Variants in TCF20 observed in about 807,000 individuals in gnomAD.
TCF20 encodes the protein transcription factor 20, also known as SPRE-binding protein.
Under a neutral mutation model 148.6 loss-of-function variants are expected in TCF20, and 3 were observed. The observed-to-expected ratio is 0.02, with a 90% CI of 0.01 to 0.05. The LOEUF (loss-of-function observed/expected upper bound fraction) is 0.05, where lower values mean the gene tolerates loss of function less well. Among genes scored for constraint, TCF20 ranks in the 10% least tolerant of loss-of-function variants. TCF20 has a pLI of 1.00. For missense variants in TCF20, 2,350 were observed against 2,429.3 expected (o/e 0.97, Z 0.69); for synonymous variants, 1,049 against 909.5 (o/e 1.15, Z -2.76).
chr22:42,219,304 G>A (rs1379355425), intron 1 of TCF20, among the ~76,000 whole-genome samples: 11 of 131,560 alleles, frequency 8.4e-5, no homozygotes, highest in African/African-American at 3.0e-4. Context: ...AGGCTGCAAC[G>A]AGCTATGAAT....
At chr22:42,243,201 G>A (rs1452732349) in intron 1 of TCF20, among the ~76,000 whole-genome samples, 1 of 144,016 alleles carries the variant, frequency 6.9e-6, no homozygotes, top group Non-Finnish European at 1.5e-5. Context: ...GCTGTGGCTA[G>A]CACCTGTAAT....
At chr22:42,222,348 A>C (rs887880639) in intron 1 of TCF20, among the ~76,000 whole-genome samples, 1 of 152,100 alleles carries the variant, frequency 6.6e-6, no homozygotes, top group African/African-American at 2.4e-5. Context: ...TCATCATGAC[A>C]CTACTCTCCT....
chr22:42,318,682 C>T (rs1927678963), intron 1 of TCF20, among the ~76,000 whole-genome samples: 1 of 152,186 alleles, frequency 6.6e-6, no homozygotes, highest in South Asian at 2.1e-4. Flanking sequence ...CCCCCAGCCA[C>T]CAGGCTGCAG....
In TCF20 at chr22:42,210,778, T is replaced by C; in HGVS notation, c.4528A>G (p.Lys1510Glu). ...GTATCGTTCTCCTTCTCTTCAGCCT[T>C]GGGGTTTGCCTCAGGGGCCAATATG... Reference protein sequence around the residue: ...VGILAPEANPKAEEKENDTVT... With the variant: ...VGILAPEANPEAEEKENDTVT... The change falls in exon 2 of 6, where the codon AAG becomes GAG. Residue 1510 changes from lysine (K) to glutamate (E), a missense_variant. Physicochemically the swap from Lys to Glu is moderately conservative, Grantham distance 56. Transcript: ENST00000677622. The surrounding 1 kb of genome is among the most constrained non-coding windows in gnomAD (Gnocchi z 4.7). 6.2e-7 allele frequency: 1 copy of C among 1,614,202 alleles called. No individual in the cohort carries two copies. Among genetic ancestry groups the C allele is most frequent in the Non-Finnish European group, 8.5e-7 (1 of 1,180,044 alleles).
chr22:42,251,918 T>C (rs1925402152), intron 1 of TCF20, among the ~76,000 whole-genome samples: 1 of 152,032 alleles, frequency 6.6e-6, no homozygotes, highest in Non-Finnish European at 1.5e-5. Context: ...AACTGTGTCT[T>C]TTAGGCCAGG....
chr22:42,218,844 C>T (rs1922059039), intron 1 of TCF20, among the ~76,000 whole-genome samples: 1 of 151,858 alleles, frequency 6.6e-6, no homozygotes, highest in Admixed American at 6.6e-5. Flanking sequence ...CTGCAGATTC[C>T]CTGTCCTGTA....
At chr22:42,316,475 A>G (rs1927633592) in intron 1 of TCF20, among the ~76,000 whole-genome samples, 1 of 152,182 alleles carries the variant, frequency 6.6e-6, no homozygotes, top group African/African-American at 2.4e-5. Flanking sequence ...TTAATCTGTC[A>G]GAGCCTGGAG....
In TCF20 at chr22:42,212,833, T is replaced by C. The variant is rs769706529; in HGVS notation, c.2473A>G (p.Ser825Gly). Residue 825 changes from serine (S) to glycine (G), a missense_variant, in exon 2 of 6, where the codon AGC becomes GGC. By Grantham distance (56) the Ser-to-Gly change is moderately conservative (BLOSUM62 0). Around this residue, in one of 7 missense-constraint regions of TCF20, gnomAD observed 1,641 missense variants for 1,662.6 expected, o/e 0.99. Transcript: ENST00000677622. ...TGTTTCATTTCAGGAGCTGTGCTGC[T>C]TGATTTCCTTTCCCAGGGGCCCCAG... ...PHWGPWERKSSSTAPEMKQIN... is the reference protein window; with the variant it reads ...PHWGPWERKSGSTAPEMKQIN... 1 of 1,614,258 alleles carries C rather than the reference T, an allele frequency of 6.2e-7. No individual in the cohort carries two copies. Among genetic ancestry groups the C allele is most frequent in the East Asian group, 2.2e-5 (1 of 44,886 alleles).
chr22:42,310,491 A>G (rs984248394), intron 1 of TCF20, among the ~76,000 whole-genome samples: 1 of 151,952 alleles, frequency 6.6e-6, no homozygotes, highest in Non-Finnish European at 1.5e-5. Flanking sequence ...ACAGGAATCC[A>G]GCCAGGGGGG....
At chr22:42,310,879 C>T (rs1433491351) in intron 1 of TCF20, among the ~76,000 whole-genome samples, 2 of 152,276 alleles carry the variant, frequency 1.3e-5, no homozygotes, top group Non-Finnish European at 2.9e-5. Context: ...GCCCTCTTTT[C>T]TCCCCAGCAG....
At chr22:42,178,729 C>T (rs1186573082) in intron 3 of TCF20, among the ~76,000 whole-genome samples, 3 of 151,036 alleles carry the variant, frequency 2.0e-5, no homozygotes, top group South Asian at 2.1e-4. Context: ...ACTATAGGTG[C>T]GCGTCACATC....
chr22:42,217,679 A>C (rs550854184), intron 1 of TCF20, among the ~76,000 whole-genome samples: 19 of 152,320 alleles, frequency 1.2e-4, no homozygotes, highest in Admixed American at 1.0e-3. Flanking sequence ...AGAATTATAG[A>C]AAGTGAAAAT....
At chr22:42,179,492 A>C (rs1462178182) in intron 3 of TCF20, 117 bp downstream of exon 3, 15 of 52,236 alleles carry the variant, frequency 2.9e-4, no homozygotes, top group Admixed American at 1.9e-3. Flanking sequence ...TGAAGTGACA[A>C]AAAAAAAAAA....
chr22:42,216,107 T>TTTTTTTTG (rs60253254), intron 1 of TCF20, among the ~76,000 whole-genome samples: 1 of 139,218 alleles, frequency 7.2e-6, no homozygotes, highest in Admixed American at 7.1e-5. Flanking sequence ...TTTTTTTTTT[T>TTTTTTTTG]GAGACAAGGT....
chr22:42,306,119 C>T (rs922853192), intron 1 of TCF20, among the ~76,000 whole-genome samples: 4 of 152,242 alleles, frequency 2.6e-5, no homozygotes, highest in African/African-American at 4.8e-5. Context: ...GTGGCTGCTG[C>T]GGCCTCGCCA....
intron 1 of TCF20, among the ~76,000 whole-genome samples, chr22:42,313,918 A>G (rs2147043877): frequency 6.6e-6 from 1 of 152,324 alleles, no homozygotes; most frequent in African/African-American, 2.4e-5. Flanking sequence ...TCCCCGCCTC[A>G]GGGAACACCT....
At chr22:42,221,611 G>A (rs1241320936) in intron 1 of TCF20, among the ~76,000 whole-genome samples, 1 of 152,096 alleles carries the variant, frequency 6.6e-6, no homozygotes, top group African/African-American at 2.4e-5. Context: ...TAGCCAAGTT[G>A]CAAGAAAGTA....
chr22:42,191,353 G>C (rs2147130072), intron 2 of TCF20, among the ~76,000 whole-genome samples: 1 of 152,240 alleles, frequency 6.6e-6, no homozygotes, highest in African/African-American at 2.4e-5. Flanking sequence ...ACAGTGACGA[G>C]ATCTTGGCTC....
At chr22:42,201,751 G>T (rs745984156) in intron 2 of TCF20, among the ~76,000 whole-genome samples, 2 of 151,874 alleles carry the variant, frequency 1.3e-5, no homozygotes, top group African/African-American at 2.4e-5. Flanking sequence ...CTGGGGGATA[G>T]AGGAAGACTC....
Sources: allele counts gnomAD v4.1 joint callset (sites outside exome capture counted in the v4.1 genomes callset), GRCh38; gene constraint gnomAD v4.1.1; regional missense constraint gnomAD v4.1.1; non-coding constraint Gnocchi (gnomAD v3.1); transcripts MANE v1.5; gene names NCBI Gene and HGNC (gene_info 2026-07-23, HGNC 2026-07-21).